PDE4D: variants seen among roughly 807,000 people sequenced by gnomAD.
The protein encoded by PDE4D is 3',5'-cyclic-AMP phosphodiesterase 4D.
Under a neutral mutation model 87.4 loss-of-function variants are expected in PDE4D, and 24 were observed. That is an observed-to-expected ratio of 0.27 (90% CI 0.20 to 0.39). PDE4D has a LOEUF of 0.39. Ranked by LOEUF, PDE4D falls within the 10% of genes least tolerant of loss-of-function variation. The probability of loss-of-function intolerance (pLI) is 1.00; values close to 1 mark genes in which losing one functional copy is unlikely to be tolerated. For missense variants in PDE4D, 714 were observed against 1,041.0 expected, an observed-to-expected ratio of 0.69 and a Z score of 4.32; for synonymous variants, 384 against 383.2, an observed-to-expected ratio of 1.00 and a Z score of -0.02.
rs190120853 is a variant in PDE4D at position 59,951,574 on chromosome 5, A to G, written c.272+36914T>C. Among the ~76,000 whole-genome samples the G allele has an allele frequency of 2.0e-4, 30 of 152,308 alleles. No individual in the cohort carries two copies. The East Asian group carries it at 4.8e-3, about 25-fold the overall frequency. Reference sequence around the variant, plus strand: ...TAATTTCTGATTTCAGAGCTTGCCAATGAAAATTTTACCATGGACTGGCTT... The same window carrying G: ...TAATTTCTGATTTCAGAGCTTGCCAGTGAAAATTTTACCATGGACTGGCTT... On this transcript the variant is annotated intron_variant, in intron 3 of 16. Transcript: ENST00000502484.
chr5:59,902,507 G>T (rs1320361405), intron 3 of PDE4D, among the ~76,000 whole-genome samples: 21 of 152,088 alleles, frequency 1.4e-4, no homozygotes, highest in Admixed American at 1.4e-3. Flanking sequence ...ATTTCAGATG[G>T]TTGTTACCCA....
At chr5:59,212,413 C>G (rs573519560) in intron 2 of PDE4D, among the ~76,000 whole-genome samples, 3 of 151,992 alleles carry the variant, frequency 2.0e-5, no homozygotes, top group Non-Finnish European at 4.4e-5. Context: ...GAATGGAAAG[C>G]TAAACATATC....
chr5:60,350,807 G>A (rs1053383965), intron 1 of PDE4D, among the ~76,000 whole-genome samples: 2 of 151,942 alleles, frequency 1.3e-5, no homozygotes, highest in Admixed American at 6.6e-5. Context: ...GTCTTGATTC[G>A]AGTTTGAGTG....
chr5:59,002,175 G>A, intron 6 of PDE4D: 3 of 372,028 alleles, frequency 8.1e-6, no homozygotes, highest in Admixed American at 3.7e-5. Context: ...TTGAGACCTA[G>A]AGAGAAAAAA....
At chr5:59,039,898 G>T (rs576131057) in intron 5 of PDE4D, 5 of 152,560 alleles carry the variant, frequency 3.3e-5, no homozygotes, top group African/African-American at 9.6e-5. Flanking sequence ...GCCGTCCGGG[G>T]TCGCGCCCGC....
At chr5:59,999,408 C>T (rs1291998958) in intron 2 of PDE4D, among the ~76,000 whole-genome samples, 3 of 151,618 alleles carry the variant, frequency 2.0e-5, no homozygotes, top group Non-Finnish European at 2.9e-5. Context: ...ACAGAACCTG[C>T]AGTGGTACAG....
intron 1 of PDE4D, among the ~76,000 whole-genome samples, chr5:59,542,517 T>C (rs1816530761): frequency 1.3e-5 from 2 of 152,222 alleles, no homozygotes; most frequent in South Asian, 2.1e-4. Context: ...CAGAATTTCA[T>C]CTTATGAAAA....
At chr5:59,022,952 G>T (rs1485438546) in intron 6 of PDE4D, among the ~76,000 whole-genome samples, 1 of 152,162 alleles carries the variant, frequency 6.6e-6, no homozygotes, top group African/African-American at 2.4e-5. Context: ...AAGGTGGGCA[G>T]ATTACGAGGT....
At chr5:59,241,017 A>G (rs1022387929) in intron 1 of PDE4D, among the ~76,000 whole-genome samples, 1 of 152,170 alleles carries the variant, frequency 6.6e-6, no homozygotes, top group South Asian at 2.1e-4. Context: ...TTTAAAGGAG[A>G]TAAAGCATGT....
chr5:59,136,573 T>C (rs1390958311), intron 5 of PDE4D, among the ~76,000 whole-genome samples: 1 of 152,206 alleles, frequency 6.6e-6, no homozygotes, highest in East Asian at 1.9e-4. Context: ...CTCTAGATCA[T>C]GATCTGTATA....
At chr5:60,090,436 C>T (rs1052470864) in intron 2 of PDE4D, among the ~76,000 whole-genome samples, 4 of 151,660 alleles carry the variant, frequency 2.6e-5, no homozygotes, top group Admixed American at 2.6e-4. Flanking sequence ...ACCATATGCT[C>T]ATTTCAATAG....
At chr5:59,946,418 T>G (rs1158490972) in intron 3 of PDE4D, among the ~76,000 whole-genome samples, 1 of 152,040 alleles carries the variant, frequency 6.6e-6, no homozygotes, top group African/African-American at 2.4e-5. Flanking sequence ...GCTAAAAGAG[T>G]TTAATACCCA....
At chr5:59,571,066 C>T (rs1821763283) in intron 1 of PDE4D, among the ~76,000 whole-genome samples, 2 of 152,070 alleles carry the variant, frequency 1.3e-5, no homozygotes, top group African/African-American at 2.4e-5. Context: ...ACATATGAAA[C>T]AAAAATTTGC....
At chr5:59,432,795 C>CAG (rs1796292774) in intron 1 of PDE4D, among the ~76,000 whole-genome samples, 1 of 151,986 alleles carries the variant, frequency 6.6e-6, no homozygotes, top group South Asian at 2.1e-4. Context: ...GTACAAAAGG[C>CAG]AGAAGTCTGG....
intron 1 of PDE4D, among the ~76,000 whole-genome samples, chr5:59,387,958 C>G (rs1020951280): frequency 3.3e-5 from 5 of 152,028 alleles, no homozygotes; most frequent in Non-Finnish European, 7.4e-5. Context: ...CAGCCCCCAC[C>G]CATCAGCCCT....
At chr5:59,340,833 C>T (rs1290418822) in intron 1 of PDE4D, among the ~76,000 whole-genome samples, 1 of 152,100 alleles carries the variant, frequency 6.6e-6, no homozygotes, top group Non-Finnish European at 1.5e-5. Context: ...CCTCCAGTTC[C>T]ATCCATATTG....
chr5:59,098,755 A>G (rs886108617), intron 5 of PDE4D, among the ~76,000 whole-genome samples: 1 of 151,940 alleles, frequency 6.6e-6, no homozygotes, highest in African/African-American at 2.4e-5. Context: ...AATAATCTAG[A>G]AACAGGTCAA....
intron 5 of PDE4D, among the ~76,000 whole-genome samples, chr5:59,180,197 G>T (rs1424555669): frequency 2.0e-5 from 3 of 152,222 alleles, no homozygotes; most frequent in African/African-American, 7.2e-5. Flanking sequence ...GAACCAACAC[G>T]TTACTCCTTT....
chr5:60,156,026 C>T (rs911973940), intron 2 of PDE4D, among the ~76,000 whole-genome samples: 1 of 152,098 alleles, frequency 6.6e-6, no homozygotes, highest in Non-Finnish European at 1.5e-5. Context: ...GGTTGCAGGG[C>T]CAAAGCCAGA....
Sources: allele counts gnomAD v4.1 joint callset (sites outside exome capture counted in the v4.1 genomes callset), GRCh38; gene constraint gnomAD v4.1.1; transcripts MANE v1.5; gene names NCBI Gene and HGNC (gene_info 2026-07-23, HGNC 2026-07-21).